Variants in ALG13 observed in about 807,000 individuals in gnomAD.
The protein encoded by ALG13 is ALG13 UDP-N-acetylglucosaminyltransferase subunit, also known as UDP-N-acetylglucosamine transferase subunit ALG13.
ALG13 carries 11 observed loss-of-function variants against 87.8 expected under a neutral mutation model. The ratio of observed to expected loss-of-function variants is 0.13; its 90% CI spans 0.08 to 0.21. The LOEUF (loss-of-function observed/expected upper bound fraction) is 0.21. Among genes scored for constraint, ALG13 ranks in the 10% least tolerant of loss-of-function variants. The pLI is 1.00. For synonymous variants in ALG13, 320 were observed against 306.3 expected, an observed-to-expected ratio of 1.04 and a Z score of -0.47; for missense variants, 756 against 866.1, an observed-to-expected ratio of 0.87 and a Z score of 1.60.
chrX:111,703,375 T>A (rs1938225602), intron 3 of ALG13, among the ~76,000 whole-genome samples: 1 of 111,971 alleles, frequency 8.9e-6, no homozygotes, highest in Admixed American at 9.5e-5. Flanking sequence ...TCTGCTTTTT[T>A]GTTTTACTTA....
chrX:111,713,487 G>A (rs916922464), intron 8 of ALG13, among the ~76,000 whole-genome samples, 190 bp downstream of exon 8: 1 of 111,261 alleles, frequency 9.0e-6, no homozygotes, highest in Non-Finnish European at 1.9e-5. Flanking sequence ...AGACCTGATC[G>A]TCATTTCTCT....
chrX:111,690,482 G>A (rs1319227269), intron 3 of ALG13: 28 of 569,204 alleles, frequency 4.9e-5, no homozygotes, highest in Non-Finnish European at 5.9e-5. Context: ...AAAGCTCAAA[G>A]GATTTGTTGG....
chrX:111,707,904 T>C (rs971722931), intron 3 of ALG13, 123 bp from the exon 4 acceptor site: 4 of 786,470 alleles, frequency 5.1e-6, no homozygotes, highest in Non-Finnish European at 7.0e-6. Flanking sequence ...TGGGTTAGAT[T>C]GGGTTAATTC....
Position 111,736,800 on chromosome X carries a change from A to G in ALG13, c.2616A>G (p.Gln872=), listed in dbSNP as rs764400701. Residue 872 remains glutamine, a synonymous_variant, in exon 23 of 27, where the codon CAA becomes CAG. Transcript: ENST00000394780. ...TATCTAACGGTGCAGCGGCTAATCA[A>G]GCTATTAGTACCACTTCAGTTTCCT... is the stretch of plus-strand genomic sequence containing the variant. ...PVLSNGAAAN[Q]AISTTSVSSQ... 46 of 1,208,470 alleles carry G rather than the reference A, an allele frequency of 3.8e-5. No homozygotes were observed. Among genetic ancestry groups the G allele is most frequent in the Admixed American group, 8.8e-5 (4 of 45,657 alleles).
intron 8 of ALG13, chrX:111,716,939 GT>G (rs1363903348): frequency 1.9e-5 from 2 of 103,109 alleles, no homozygotes; most frequent in Non-Finnish European, 4.0e-5. Context: ...ATTTTTTTTT[GT>G]TTTTTTTTTA....
In ALG13 at chrX:111,727,717, A is replaced by G. The variant is rs1278669534; in HGVS notation, c.2194A>G (p.Ile732Val). ...GQMPRGLEETITFYEVEEGDE... is the reference protein window; with the variant it reads ...GQMPRGLEETVTFYEVEEGDE... Reference sequence around the variant, plus strand: ...GATGCCCAGGGGCTTGGAAGAAACTATTACTTTTTATGAAGTTGAAGAAGG... The same window carrying G: ...GATGCCCAGGGGCTTGGAAGAAACTGTTACTTTTTATGAAGTTGAAGAAGG... The change falls in exon 18 of 27, where the codon ATT (isoleucine) becomes GTT (valine). Residue 732 changes from isoleucine (I) to valine (V), a missense_variant. This residue lies in a region of ALG13 where 362 missense variants were observed against 383.5 expected (regional missense o/e 0.94). Transcript: ENST00000394780. 5.0e-6 allele frequency: 6 copies of G among 1,208,362 alleles called. No homozygotes were observed. Among genetic ancestry groups the G allele is most frequent in the African/African-American group, 3.5e-5 (2 of 57,172 alleles).
At chrX:111,728,937 C>T (rs1237675888) in intron 19 of ALG13, among the ~76,000 whole-genome samples, 1 of 111,544 alleles carries the variant, frequency 9.0e-6, no homozygotes, top group Non-Finnish European at 1.9e-5. Flanking sequence ...TTTTTTGTAA[C>T]TTTTATTGAG....
intron 3 of ALG13, chrX:111,687,789 A>G (rs1160978836): frequency 4.1e-6 from 3 of 740,151 alleles, no homozygotes; most frequent in Non-Finnish European, 5.8e-6. Context: ...TAGAAGTACC[A>G]CTATATTCTT....
chrX:111,684,917 C>CT (rs1569510641), intron 2 of ALG13, 48 bp from the exon 3 acceptor site: 1 of 1,151,853 alleles, frequency 8.7e-7, no homozygotes, highest in East Asian at 3.1e-5. Flanking sequence ...TCGTGGGGAC[C>CT]TTAACTTATT....
rs760884356 is a variant in ALG13 at position 111,727,748 on chromosome X, A to G, written c.2225A>G (p.Glu742Gly). 1 of 1,207,035 alleles carries G rather than the reference A, an allele frequency of 8.3e-7. No individual in the cohort carries two copies. The highest frequency in any genetic ancestry group is 1.8e-5 in the South Asian group (1 of 55,208). ...TTTTATGAAGTTGAAGAAGGGGATGAGACTGCTTATCCAACTTTACCTGTG... is the reference window on the plus strand; with the variant it reads ...TTTTATGAAGTTGAAGAAGGGGATGGGACTGCTTATCCAACTTTACCTGTG... ...ITFYEVEEGD[E>G]TAYPTLPNHG... is the part of the protein sequence containing the mutation. Residue 742 changes from glutamate (E) to glycine (G), a missense_variant, in exon 18 of 27, where the codon GAG becomes GGG. Glu to Gly is a moderately conservative substitution (Grantham distance 98). Transcript: ENST00000394780.
intron 3 of ALG13, among the ~76,000 whole-genome samples, chrX:111,691,968 C>G (rs1457039675): frequency 9.0e-6 from 1 of 111,220 alleles, no homozygotes; most frequent in Non-Finnish European, 1.9e-5. Context: ...TTCAGCATTC[C>G]CACAGCTTCT....
intron 10 of ALG13, among the ~76,000 whole-genome samples, chrX:111,719,162 G>A (rs1005968537): frequency 2.7e-4 from 30 of 109,737 alleles, no homozygotes; most frequent in African/African-American, 1.0e-3. Flanking sequence ...GAGTAGCTGG[G>A]ACTACAGGCG....
intron 21 of ALG13, among the ~76,000 whole-genome samples, chrX:111,733,076 A>G (rs1302292634): frequency 8.9e-6 from 1 of 111,755 alleles, no homozygotes; most frequent in Non-Finnish European, 1.9e-5. Context: ...TATTGTTGCT[A>G]AAATAAAGGA....
rs1247231847 is a variant in ALG13, at chrX:111,736,877, C to T, written c.2693C>T (p.Pro898Leu). The T allele has an allele frequency of 8.3e-7, 1 of 1,200,561 alleles. No homozygotes were observed. The highest frequency in any genetic ancestry group is 1.1e-6 in the Non-Finnish European group (1 of 890,238). The change falls in exon 23 of 27, where the codon CCA (proline) becomes CTA (leucine). Residue 898 changes from proline (P) to leucine (L), a missense_variant and splice_region_variant. Physicochemically the swap from Pro to Leu is moderately conservative, Grantham distance 98 (BLOSUM62 -3). Around this residue, in one of 9 missense-constraint regions of ALG13, gnomAD observed 362 missense variants for 383.5 expected, o/e 0.94. Coordinates refer to ENST00000394780, the MANE Select transcript of ALG13 (RefSeq NM_001099922.3). The stretch of plus-strand genomic sequence containing the variant: ...GTATCTCCACCTACACACGGCAGGC[C>T]AGGTAGGTTATTAGCAGATGCTTAC... ...LFVSPPTHGR[P>L]VIASPSYPCH...
intron 24 of ALG13, 135 bp downstream of exon 24, chrX:111,745,039 A>T: frequency 1.8e-6 from 1 of 541,816 alleles, no homozygotes; most frequent in Non-Finnish European, 3.1e-6. Flanking sequence ...ACTGGAAGTG[A>T]CTAAGGAAAG....
At position 111,681,383 on chromosome X, in the gene ALG13, G is replaced by C. The variant is rs973851562; in HGVS notation, c.81+84G>C. 3.4e-6 allele frequency: 4 copies of C among 1,187,212 alleles called. No homozygotes were observed. In the African/African-American group the frequency reaches 7.0e-5, roughly 21 times the overall value. On this transcript the variant is annotated intron_variant, in intron 1 of 26. Transcript: ENST00000394780. Reference sequence around the variant, plus strand: ...ACTGCCAGCCGCGTTAGCCTTGCCTGACCGTCGCGCTCGGAAAGAAACCCC... The same window carrying C: ...ACTGCCAGCCGCGTTAGCCTTGCCTCACCGTCGCGCTCGGAAAGAAACCCC...
intron 24 of ALG13, among the ~76,000 whole-genome samples, chrX:111,745,659 A>G (rs1247347018): frequency 9.0e-6 from 1 of 110,828 alleles, no homozygotes. Context: ...CCTTGGCATC[A>G]GAAGTTTTAG....
At position 111,759,722 on chromosome X, in the gene ALG13, C is replaced by T. The variant is rs1603002604; in HGVS notation, c.3149-12C>T. On this transcript the variant is annotated splice_polypyrimidine_tract_variant and intron_variant, in intron 26 of 26. Coordinates refer to ENST00000394780, the MANE Select transcript of ALG13 (RefSeq NM_001099922.3). ...TGTATATAAAGTAGACTGTATACAT[C>T]CTTTCTTTCAGATACTTTTCCGAAT... The T allele has an allele frequency of 5.0e-6, 6 of 1,191,455 alleles. No individual in the cohort carries two copies. The highest frequency in any genetic ancestry group is 5.7e-6 in the Non-Finnish European group (5 of 883,164).
At chrX:111,710,760 G>A (rs774177294) in intron 5 of ALG13, among the ~76,000 whole-genome samples, 90 of 111,969 alleles carry the variant, frequency 8.0e-4, no homozygotes, top group Non-Finnish European at 1.5e-3. Flanking sequence ...GCAGTGGCAC[G>A]ATCTCGGCTC....
Sources: allele counts gnomAD v4.1 joint callset (sites outside exome capture counted in the v4.1 genomes callset), GRCh38; gene constraint gnomAD v4.1.1; regional missense constraint gnomAD v4.1.1; transcripts MANE v1.5; gene names NCBI Gene and HGNC (gene_info 2026-07-23, HGNC 2026-07-21).